Variants in LRRIQ1 observed in about 807,000 individuals in gnomAD.
The protein encoded by LRRIQ1 is leucine-rich repeat- and IQ domain-containing protein 1.
In LRRIQ1, 210 loss-of-function variants were observed where a neutral mutation model predicts 211.9. That is an observed-to-expected ratio of 0.99 (90% CI 0.89 to 1.11). The LOEUF (loss-of-function observed/expected upper bound fraction) is 1.11. Ranked by LOEUF, LRRIQ1 falls within the 50% of genes most tolerant of loss-of-function variation. LRRIQ1 has a pLI of 0.00. For synonymous variants in LRRIQ1, 699 were observed against 650.1 expected, an observed-to-expected ratio of 1.08 and a Z score of -1.14; for missense variants, 2,136 against 1,939.5, an observed-to-expected ratio of 1.10 and a Z score of -1.90.
At chr12:85,121,397 C>A (rs1414024276) in intron 15 of LRRIQ1, among the ~76,000 whole-genome samples, 1 of 152,044 alleles carries the variant, frequency 6.6e-6, no homozygotes, top group Non-Finnish European at 1.5e-5. Context: ...CATAATGCAT[C>A]TTTTTACACT....
intron 24 of LRRIQ1, among the ~76,000 whole-genome samples, chr12:85,225,466 CT>C (rs202223753): frequency 0.014 from 2,169 of 152,172 alleles, 14 homozygotes; most frequent in Non-Finnish European, 0.022. Context: ...TTTTCTTTGA[CT>C]TTTTACTTTC....
At chr12:85,106,728 TAA>T (rs147746243) in intron 15 of LRRIQ1, 113 bp downstream of exon 15, 10 of 721,184 alleles carry the variant, frequency 1.4e-5, no homozygotes, top group Non-Finnish European at 2.0e-5. Context: ...ATTAAAAAAT[TAA>T]AAGTCATTTT....
In LRRIQ1 at chr12:85,072,985, T is replaced by A. The variant is rs2136109721; in HGVS notation, c.2774T>A (p.Leu925Ter). The A allele has an allele frequency of 1.2e-6, 2 of 1,612,928 alleles. No homozygotes were observed. ...CHHLGTSTSY[L>*]SLAQVWIPTG... ...CACTTGGGCACCTCCACTTCTTACT[T>A]ATCCCTGGCACAAGTCTGGATTCCA... Residue 925 changes from leucine to a stop codon, truncating the protein, a stop_gained, in exon 11 of 27, where the codon TTA becomes TAA. Transcript: ENST00000393217. LOFTEE classifies it high-confidence loss of function.
chr12:85,238,238 T>G (rs1479679913), intron 26 of LRRIQ1, among the ~76,000 whole-genome samples: 1 of 151,268 alleles, frequency 6.6e-6, no homozygotes, highest in East Asian at 1.9e-4. Flanking sequence ...AAAAATAACT[T>G]AAAAAAAATC....
At position 85,052,213 on chromosome 12, in the gene LRRIQ1, GAA is replaced by G. The variant is rs756614841; in HGVS notation, c.716_717del (p.Glu239GlyfsTer9). 6.4e-7 allele frequency: 1 copy of G among 1,563,534 alleles called. No individual in the cohort carries two copies. Among genetic ancestry groups the G allele is most frequent in the Non-Finnish European group, 8.7e-7 (1 of 1,146,538 alleles). On this transcript the variant is annotated frameshift_variant, in exon 7 of 27. Transcript: ENST00000393217. LOFTEE classifies it high-confidence loss of function. ...CAAGATGAATGATGAACTCTATAAA[GAA>G]GAGAAAATTTGGAAAGAGAAATTTA... Reference protein sequence around the residue: ...QDKMNDELYKEEKIWKEKFKQ... With the variant: ...QDKMNDELYKXEKIWKEKFKQ...
chr12:85,067,206 A>G (rs574606754), intron 10 of LRRIQ1, among the ~76,000 whole-genome samples: 1 of 152,036 alleles, frequency 6.6e-6, no homozygotes, highest in African/African-American at 2.4e-5. Flanking sequence ...TGATATTTTT[A>G]TGGATCATCT....
intron 24 of LRRIQ1, among the ~76,000 whole-genome samples, chr12:85,182,114 A>C (rs1892007213): frequency 2.0e-5 from 3 of 152,182 alleles, no homozygotes; most frequent in Admixed American, 2.0e-4. Context: ...TTAGGTTCTT[A>C]ACTATTTGAA....
intron 24 of LRRIQ1, among the ~76,000 whole-genome samples, chr12:85,221,023 G>T (rs925628372): frequency 2.0e-5 from 3 of 151,828 alleles, no homozygotes; most frequent in Non-Finnish European, 4.4e-5. Context: ...TGCTGGCCAG[G>T]CTGGTCTCGA....
chr12:85,131,102 T>G (rs1442454087), intron 18 of LRRIQ1, among the ~76,000 whole-genome samples: 2 of 150,902 alleles, frequency 1.3e-5, no homozygotes, highest in Non-Finnish European at 3.0e-5. Flanking sequence ...TGTAAACTAC[T>G]TGGGAGGCTG....
chr12:85,047,586 G>C (rs1879784308), intron 6 of LRRIQ1, 116 bp downstream of exon 6: 2 of 776,350 alleles, frequency 2.6e-6, no homozygotes, highest in Non-Finnish European at 4.2e-6. Flanking sequence ...ATTACTCTCT[G>C]ATAGAGGAAG....
At chr12:85,094,421 T>C (rs1885681923) in intron 11 of LRRIQ1, among the ~76,000 whole-genome samples, 1 of 152,110 alleles carries the variant, frequency 6.6e-6, no homozygotes, top group Admixed American at 6.6e-5. Context: ...ATGAAACCGG[T>C]CACTGGTGCC....
Position 85,040,592 on chromosome 12 carries a change from G to A in LRRIQ1, c.235G>A (p.Asp79Asn). Residue 79 changes from aspartate (D) to asparagine (N), a missense_variant, in exon 3 of 27, where the codon GAT (aspartate) becomes AAT (asparagine). Asp to Asn is a conservative substitution (Grantham distance 23). Coordinates refer to ENST00000393217, the MANE Select transcript of LRRIQ1 (RefSeq NM_001079910.2). ...CATTCTTCAGGACCTGGAAGATACTGATATTTTAAGTAAGTACTATTTTCA... is the reference window on the plus strand; with the variant it reads ...CATTCTTCAGGACCTGGAAGATACTAATATTTTAAGTAAGTACTATTTTCA... ...ELILQDLEDT[D>N]ILSCSYGAVS... 1.3e-6 allele frequency: 2 copies of A among 1,565,322 alleles called. No individual in the cohort carries two copies. Among genetic ancestry groups the A allele is most frequent in the Non-Finnish European group, 8.8e-7 (1 of 1,142,088 alleles).
intron 11 of LRRIQ1, among the ~76,000 whole-genome samples, chr12:85,094,211 A>T (rs569233475): frequency 6.6e-6 from 1 of 152,316 alleles, no homozygotes; most frequent in African/African-American, 2.4e-5. Context: ...ACTGGACATA[A>T]GCAACACACT....
At chr12:85,224,877 G>GT (rs1447329513) in intron 24 of LRRIQ1, among the ~76,000 whole-genome samples, 5 of 151,352 alleles carry the variant, frequency 3.3e-5, no homozygotes, top group Non-Finnish European at 5.9e-5. Context: ...CAGAACTTAA[G>GT]GTAAAATTTA....
chr12:85,047,425 G>A lies in LRRIQ1; in HGVS notation c.633G>A (p.Met211Ile). 2.5e-6 allele frequency: 4 copies of A among 1,613,248 alleles called. No homozygotes were observed. The highest frequency in any genetic ancestry group is 3.4e-6 in the Non-Finnish European group (4 of 1,179,572). Residue 211 changes from methionine (M) to isoleucine (I), a missense_variant, in exon 6 of 27, where the codon ATG becomes ATA. Coordinates refer to ENST00000393217, the MANE Select transcript of LRRIQ1 (RefSeq NM_001079910.2). ...QEEEEKRHCWMKQFKVEKKKL... is the reference protein window; with the variant it reads ...QEEEEKRHCWIKQFKVEKKKL... ...AAGAAGAAAAGCGACATTGCTGGATGAAACAATTTAAAGTTGAAAAGAAGA... is the reference window on the plus strand; with the variant it reads ...AAGAAGAAAAGCGACATTGCTGGATAAAACAATTTAAAGTTGAAAAGAAGA...
At chr12:85,248,079 C>T (rs1414214561), downstream of LRRIQ1, among the ~76,000 whole-genome samples, 1 of 151,502 alleles carries the variant, frequency 6.6e-6, no homozygotes, top group Non-Finnish European at 1.5e-5. Flanking sequence ...TTTGAATTTA[C>T]TAAATGATTT....
At chr12:85,153,381 T>C (rs1300594241) in intron 21 of LRRIQ1, among the ~76,000 whole-genome samples, 5 of 151,506 alleles carry the variant, frequency 3.3e-5, no homozygotes, top group African/African-American at 7.2e-5. Context: ...AATTAATTAT[T>C]GTAAACAAGT....
downstream of LRRIQ1, among the ~76,000 whole-genome samples, chr12:85,266,287 C>CA (rs1896417353): frequency 1.3e-5 from 2 of 151,972 alleles, no homozygotes; most frequent in East Asian, 3.9e-4. Flanking sequence ...TAATGAGAGC[C>CA]ATATTATATT....
chr12:85,270,195 A>C, the LRRIQ1 span, among the ~76,000 whole-genome samples: 1 of 152,140 alleles, frequency 6.6e-6, no homozygotes, highest in African/African-American at 2.4e-5. Flanking sequence ...TTAATCAATA[A>C]GAATTATATT....
Sources: allele counts gnomAD v4.1 joint callset (sites outside exome capture counted in the v4.1 genomes callset), GRCh38; gene constraint gnomAD v4.1.1; transcripts MANE v1.5; gene names NCBI Gene and HGNC (gene_info 2026-07-23, HGNC 2026-07-21).